OR3A2: variants seen among roughly 807,000 people sequenced by gnomAD.
OR3A2 encodes olfactory receptor 3A2.
For synonymous variants in OR3A2, 126 were observed against 159.3 expected, an observed-to-expected ratio of 0.79 and a Z score of 1.57; for missense variants, 318 against 392.8, an observed-to-expected ratio of 0.81 and a Z score of 1.61.
intron 2 of OR3A2, among the ~76,000 whole-genome samples, chr17:3,340,787 G>C (rs55870666): frequency 0.017 from 2,627 of 152,266 alleles, 81 homozygotes; most frequent in African/African-American, 0.059. Flanking sequence ...AGGTCCATTT[G>C]GTGCAGAGCT....
intron 2 of OR3A2, among the ~76,000 whole-genome samples, chr17:3,344,110 T>G (rs987951194): frequency 1.3e-5 from 2 of 152,154 alleles, no homozygotes; most frequent in East Asian, 3.9e-4. Flanking sequence ...GCATATGCAG[T>G]GGGATATTCG....
chr17:3,318,260 A>T (rs1259590813), intron 3 of OR3A2, among the ~76,000 whole-genome samples: 2 of 152,334 alleles, frequency 1.3e-5, no homozygotes, highest in South Asian at 4.1e-4. Context: ...TGTCTCTGCT[A>T]ATAAGGCCAG....
chr17:3,353,715 T>C (rs1042731429), intron 2 of OR3A2, among the ~76,000 whole-genome samples: 1 of 151,968 alleles, frequency 6.6e-6, no homozygotes, highest in African/African-American at 2.4e-5. Context: ...TATATATTTA[T>C]AGGGTACATG....
chr17:3,337,023 T>C (rs1349893547), intron 2 of OR3A2, among the ~76,000 whole-genome samples: 1 of 152,168 alleles, frequency 6.6e-6, no homozygotes, highest in African/African-American at 2.4e-5. Context: ...TGGGTTCCGA[T>C]ATCTGTGTCT....
chr17:3,286,485 C>T (rs777567241), upstream of OR3A2, among the ~76,000 whole-genome samples: 2 of 152,184 alleles, frequency 1.3e-5, no homozygotes, highest in Admixed American at 6.5e-5. Flanking sequence ...CTTGAGGAAT[C>T]GCCACACTGT....
intron 3 of OR3A2, chr17:3,291,095 T>C (rs1343283686): frequency 6.6e-6 from 1 of 152,584 alleles, no homozygotes; most frequent in African/African-American, 2.4e-5. Context: ...CCCCTGTCTA[T>C]GCTATGGGGT....
chr17:3,282,853 C>T (rs896925589), intron 1 of OR3A2, among the ~76,000 whole-genome samples: 1 of 152,236 alleles, frequency 6.6e-6, no homozygotes, highest in African/African-American at 2.4e-5. Flanking sequence ...TCTTCCAGCT[C>T]CTTGCTCATG....
intron 2 of OR3A2, among the ~76,000 whole-genome samples, chr17:3,372,606 G>A (rs367597794): frequency 0.14 from 21,331 of 151,996 alleles, 1,856 homozygotes; most frequent in African/African-American, 0.24. Context: ...CGGATCACTC[G>A]CGGTTAGGAG....
rs778826867 is a variant in OR3A2 at position 3,311,630 on chromosome 17, T to C, written c.-85+24403A>G. On this transcript the variant is annotated intron_variant, in intron 3 of 4. Coordinates refer to the OR3A2 transcript ENST00000573491. This position sits in a 1 kb window ranked among gnomAD's most constrained non-coding sequence, Gnocchi z 4.6. ...ACCTTCATAGGAGTGATCCCCATGA[T>C]CTTTATCTCAGTGTCCTATGCCCAC... 4 of 350,482 alleles carry C rather than the reference T, an allele frequency of 1.1e-5. No homozygotes were observed. The highest frequency in any genetic ancestry group is 2.3e-5 in the Non-Finnish European group (4 of 171,712). 21.7% of individuals were successfully genotyped at this position (350,482 alleles called of 1,614,324 possible).
At chr17:3,370,634 ATT>A (rs142431057) in intron 2 of OR3A2, among the ~76,000 whole-genome samples, 2 of 148,374 alleles carry the variant, frequency 1.3e-5, no homozygotes, top group Non-Finnish European at 3.0e-5. Context: ...GTTCTTTCGG[ATT>A]TTTTTTTTTA....
chr17:3,286,074 C>T (rs759752017), upstream of OR3A2, among the ~76,000 whole-genome samples: 9 of 152,094 alleles, frequency 5.9e-5, no homozygotes, highest in Non-Finnish European at 1.2e-4. Flanking sequence ...TTGCCCCCCA[C>T]CCCCCAAGAG....
chr17:3,342,822 G>A (rs887624765), intron 2 of OR3A2, among the ~76,000 whole-genome samples: 3 of 152,254 alleles, frequency 2.0e-5, no homozygotes, highest in African/African-American at 7.2e-5. Context: ...AGAGCTGTCA[G>A]ACAGGGACGT....
At chr17:3,316,644 G>A (rs1031194892) in intron 3 of OR3A2, among the ~76,000 whole-genome samples, 2 of 152,174 alleles carry the variant, frequency 1.3e-5, no homozygotes, top group African/African-American at 4.8e-5. Context: ...ACCAGGACCA[G>A]GATTAGAAAA....
intron 2 of OR3A2, among the ~76,000 whole-genome samples, chr17:3,355,719 T>C (rs1326893398): frequency 1.3e-5 from 2 of 151,404 alleles, no homozygotes; most frequent in Non-Finnish European, 2.9e-5. Flanking sequence ...ATAGGTGAAG[T>C]GTGTTTACTG....
intron 2 of OR3A2, among the ~76,000 whole-genome samples, chr17:3,363,292 C>A (rs1869452104): frequency 6.6e-6 from 1 of 151,832 alleles, no homozygotes; most frequent in Non-Finnish European, 1.5e-5. Context: ...TAGGTCGCAT[C>A]TTGAATGCTT....
chr17:3,363,566 C>T (rs754762162), intron 2 of OR3A2, among the ~76,000 whole-genome samples: 3 of 151,780 alleles, frequency 2.0e-5, no homozygotes, highest in Non-Finnish European at 4.4e-5. Flanking sequence ...CTCACATCTT[C>T]CTGTCTTCTT....
intron 3 of OR3A2, among the ~76,000 whole-genome samples, chr17:3,331,532 C>T (rs1232966625): frequency 4.6e-5 from 7 of 151,766 alleles, no homozygotes; most frequent in Admixed American, 4.6e-4. Context: ...CTGCATTCTT[C>T]ACGTAGTTCT....
At chr17:3,375,647 G>A (rs1315103820) in intron 2 of OR3A2, among the ~76,000 whole-genome samples, 2 of 152,064 alleles carry the variant, frequency 1.3e-5, no homozygotes, top group East Asian at 3.9e-4. Flanking sequence ...AAGCTAGTGT[G>A]ATCTTTTGGG....
At chr17:3,276,292 T>C (rs902571327), downstream of OR3A2, among the ~76,000 whole-genome samples, 2 of 152,150 alleles carry the variant, frequency 1.3e-5, no homozygotes, top group African/African-American at 4.8e-5. Flanking sequence ...AAAGATTGTA[T>C]GGCACAATAT....
Sources: gnomAD v4.1 joint callset for allele counts (sites outside exome capture counted in the v4.1 genomes callset) on GRCh38, gnomAD v4.1.1 for gene constraint, Gnocchi (gnomAD v3.1) non-coding constraint, MANE v1.5 for transcripts, NCBI Gene and HGNC (gene_info 2026-07-23, HGNC 2026-07-21) for gene names.